RAB40B: variants seen among roughly 807,000 people sequenced by gnomAD.
RAB40B encodes RAB40B, member RAS oncogene family.
In RAB40B, 21 loss-of-function variants were observed where a neutral mutation model predicts 24.0. The ratio of observed to expected loss-of-function variants is 0.88; its 90% CI spans 0.62 to 1.26. RAB40B has a LOEUF of 1.26. Among genes scored for constraint, RAB40B ranks in the 50% most tolerant of loss-of-function variants. The probability of loss-of-function intolerance (pLI) is 0.00; values close to 1 mark genes in which losing one functional copy is unlikely to be tolerated. For missense variants in RAB40B, 348 were observed against 390.5 expected (o/e 0.89, Z 0.92); for synonymous variants, 167 against 169.8 (o/e 0.98, Z 0.13).
rs149682056 is a variant in RAB40B at position 82,686,082 on chromosome 17, G to A, written c.142+12373C>T. On this transcript the variant is annotated intron_variant, in intron 1 of 5. Transcript: ENST00000571995. ...CTCCCAAAGTGCTGGGATTACAGGC[G>A]TGAGCCACCGCACCCAGCCTTCTTT... 8.8e-3 allele frequency among the ~76,000 whole-genome samples: 1,295 copies of A among 147,322 alleles called. 12 individuals carry two copies. The highest frequency in any genetic ancestry group is 0.029 in the African/African-American group (1,163 of 39,956).
At chr17:82,659,769 T>A in intron 3 of RAB40B, 112 bp from the exon 4 acceptor site, 1 of 801,910 alleles carries the variant, frequency 1.2e-6, no homozygotes, top group African/African-American at 1.7e-5. Context: ...TAACACAAAG[T>A]ACATAATTTT....
intron 1 of RAB40B, among the ~76,000 whole-genome samples, chr17:82,670,068 G>A (rs911215303): frequency 9.9e-5 from 15 of 152,096 alleles, no homozygotes; most frequent in Admixed American, 3.3e-4. Flanking sequence ...TCACCCCCAC[G>A]GGCTGAGAGG....
At chr17:82,686,577 C>T (rs1390838182) in intron 1 of RAB40B, among the ~76,000 whole-genome samples, 2 of 152,134 alleles carry the variant, frequency 1.3e-5, no homozygotes, top group Non-Finnish European at 2.9e-5. Flanking sequence ...ACGGTGCTGC[C>T]ACAGGCCACA....
chr17:82,675,475 T>A lies in RAB40B; in HGVS notation c.143-10919A>T, dbSNP rs778371293. On this transcript the variant is annotated intron_variant, in intron 1 of 5. Coordinates refer to ENST00000571995, the MANE Select transcript of RAB40B (RefSeq NM_006822.3). The surrounding 1 kb of genome is among the most constrained non-coding windows in gnomAD (Gnocchi z 4.5). ...CGTGGATGGCACTCCCTTTACCCCA[T>A]ACTTCAGAACTGGGGGTGGGGCAGG... Among the ~76,000 whole-genome samples the A allele has an allele frequency of 6.6e-6, 1 of 152,152 alleles. No individual in the cohort carries two copies. The highest frequency in any genetic ancestry group is 1.5e-5 in the Non-Finnish European group (1 of 68,024).
intron 3 of RAB40B, among the ~76,000 whole-genome samples, chr17:82,660,153 G>A (rs2279394): frequency 0.28 from 41,579 of 149,754 alleles, 5,814 homozygotes; most frequent in East Asian, 0.35. Flanking sequence ...ATGCACAGAC[G>A]CACACAGTGC....
At chr17:82,659,875 T>C (rs2046139932) in intron 3 of RAB40B, 2 of 533,462 alleles carry the variant, frequency 3.7e-6, no homozygotes, top group South Asian at 2.0e-5. Flanking sequence ...ATCTGGGGAC[T>C]AGAACTCACA....
rs906712419 is a variant in RAB40B, at chr17:82,692,353, G to A, written c.142+6102C>T. On this transcript the variant is annotated intron_variant, in intron 1 of 5. Transcript: ENST00000571995. The surrounding 1 kb of genome is among the most constrained non-coding windows in gnomAD (Gnocchi z 4.0). ...ACTACAGACCGAGAGGAAGACAAAC[G>A]CCCAGGAGGGAGAATCCAGGCCTCG... Among the ~76,000 whole-genome samples the A allele has an allele frequency of 3.3e-5, 5 of 152,176 alleles. No individual in the cohort carries two copies. Among genetic ancestry groups the A allele is most frequent in the African/African-American group, 9.7e-5 (4 of 41,434 alleles).
chr17:82,693,666 A>G (rs992476896), intron 1 of RAB40B, among the ~76,000 whole-genome samples: 1 of 152,200 alleles, frequency 6.6e-6, no homozygotes, highest in Non-Finnish European at 1.5e-5. Flanking sequence ...CACCCGCAGG[A>G]TGGAGAATAA....
chr17:82,687,968 G>A (rs1168117407), intron 1 of RAB40B, among the ~76,000 whole-genome samples: 1 of 151,980 alleles, frequency 6.6e-6, no homozygotes, highest in Non-Finnish European at 1.5e-5. Context: ...GCCAACTGGG[G>A]GGCTGAGGTG....
intron 1 of RAB40B, among the ~76,000 whole-genome samples, chr17:82,678,602 A>G (rs900130487): frequency 9.2e-5 from 14 of 152,240 alleles, no homozygotes; most frequent in African/African-American, 3.1e-4. Flanking sequence ...ATATTGATTC[A>G]ATACAATGTA....
rs1254631028 is a variant in RAB40B at position 82,675,979 on chromosome 17, G to A, written c.143-11423C>T. Among the ~76,000 whole-genome samples the A allele has an allele frequency of 6.6e-6, 1 of 152,094 alleles. No individual in the cohort carries two copies. Among genetic ancestry groups the A allele is most frequent in the African/African-American group, 2.4e-5 (1 of 41,414 alleles). ...CCTGGTACTCTGAGTCTCCTGGTAC[G>A]GGACGGTGAGGACCCCACAGGGCTG... is the stretch of plus-strand genomic sequence containing the variant. On this transcript the variant is annotated intron_variant, in intron 1 of 5. Coordinates refer to ENST00000571995, the MANE Select transcript of RAB40B (RefSeq NM_006822.3). The surrounding 1 kb of genome is among the most constrained non-coding windows in gnomAD (Gnocchi z 4.5).
chr17:82,698,437 C>T lies in RAB40B; in HGVS notation c.142+18G>A, dbSNP rs2046635861. On this transcript the variant is annotated intron_variant, in intron 1 of 5. Transcript: ENST00000571995. The stretch of plus-strand genomic sequence containing the variant: ...GGCCCCGCGCCCGCACCCCGGCACG[C>T]CCTCCGCCCGCGCTCACCCGCCGGG... The T allele has an allele frequency of 2.1e-6, 3 of 1,404,514 alleles. No homozygotes were observed. Among genetic ancestry groups the T allele is most frequent in the African/African-American group, 3.0e-5 (2 of 66,480 alleles). The allele number at this position is 1,404,514 out of a possible 1,614,324, so 87.0% of individuals were successfully genotyped here. A position where few individuals can be genotyped will look rare whatever the true frequency, so the allele number is the denominator to read the frequency against.
chr17:82,660,892 C>T, intron 3 of RAB40B, 95 bp downstream of exon 3: 3 of 1,462,724 alleles, frequency 2.1e-6, no homozygotes, highest in Middle Eastern at 1.7e-4. Flanking sequence ...ACCGCCTTGT[C>T]CTCCAATCAT....
At chr17:82,659,126 C>A in intron 4 of RAB40B, 1 of 246,956 alleles carries the variant, frequency 4.0e-6, no homozygotes. Context: ...GAATGCATTT[C>A]TGTTGTTCAG....
chr17:82,660,327 C>T (rs574614321), intron 3 of RAB40B, among the ~76,000 whole-genome samples: 7 of 152,054 alleles, frequency 4.6e-5, no homozygotes, highest in Admixed American at 3.9e-4. Context: ...GACTCATACA[C>T]AGGGCACGTA....
At chr17:82,684,628 A>G (rs2046478920) in intron 1 of RAB40B, among the ~76,000 whole-genome samples, 1 of 152,188 alleles carries the variant, frequency 6.6e-6, no homozygotes, top group Non-Finnish European at 1.5e-5. Context: ...CTGACAAGTC[A>G]GATGGCTTCA....
chr17:82,695,071 A>G (rs1371160937), intron 1 of RAB40B, among the ~76,000 whole-genome samples: 1 of 151,894 alleles, frequency 6.6e-6, no homozygotes, highest in Non-Finnish European at 1.5e-5. Context: ...ACAATACAGA[A>G]GCAAGGGCTA....
chr17:82,664,162 T>TC (rs1458344676), intron 2 of RAB40B, among the ~76,000 whole-genome samples: 1 of 94,066 alleles, frequency 1.1e-5, no homozygotes, highest in Non-Finnish European at 2.0e-5. Context: ...GGGAGGGTGT[T>TC]CCCCGGGGGC....
rs2046272543 is a variant in RAB40B at position 82,667,500 on chromosome 17, T to C, written c.143-2944A>G. 6.6e-6 allele frequency among the ~76,000 whole-genome samples: 1 copy of C among 152,140 alleles called. No individual in the cohort carries two copies. Among genetic ancestry groups the C allele is most frequent in the South Asian group, 2.1e-4 (1 of 4,832 alleles). On this transcript the variant is annotated intron_variant, in intron 1 of 5. Coordinates refer to ENST00000571995, the MANE Select transcript of RAB40B (RefSeq NM_006822.3). This position sits in a 1 kb window ranked among gnomAD's most constrained non-coding sequence, Gnocchi z 4.3. Reference sequence around the variant, plus strand: ...CCTCCCACAGCTGCTGTGTCCAGCCTGTCCCCTGCCCTCTGCTTCCTCCTC... The same window carrying C: ...CCTCCCACAGCTGCTGTGTCCAGCCCGTCCCCTGCCCTCTGCTTCCTCCTC...
Sources: allele counts gnomAD v4.1 joint callset (sites outside exome capture counted in the v4.1 genomes callset), GRCh38; gene constraint gnomAD v4.1.1; non-coding constraint Gnocchi (gnomAD v3.1); transcripts MANE v1.5; gene names NCBI Gene and HGNC (gene_info 2026-07-23, HGNC 2026-07-21).